IGF2BP3: variants seen among roughly 807,000 people sequenced by gnomAD.
IGF2BP3 encodes the protein insulin like growth factor 2 mRNA binding protein 3, also known as insulin-like growth factor 2 mRNA-binding protein 3.
Under a neutral mutation model 73.8 loss-of-function variants are expected in IGF2BP3, and 9 were observed. The ratio of observed to expected loss-of-function variants is 0.12; its 90% confidence interval spans 0.07 to 0.21. The LOEUF is 0.21. Ranked by LOEUF, IGF2BP3 falls within the 10% of genes least tolerant of loss-of-function variation. The pLI, the probability that IGF2BP3 is intolerant of heterozygous loss-of-function variation, is 1.00. For synonymous variants in IGF2BP3, 258 were observed against 256.7 expected, an observed-to-expected ratio of 1.01 and a Z score of -0.05; for missense variants, 542 against 714.0, an observed-to-expected ratio of 0.76 and a Z score of 2.75.
intron 3 of IGF2BP3, among the ~76,000 whole-genome samples, chr7:23,390,423 A>G (rs970554123): frequency 6.6e-6 from 1 of 152,238 alleles, no homozygotes; most frequent in Admixed American, 6.5e-5. Flanking sequence ...AAACAAGCGT[A>G]GATCTGTCCC....
intron 2 of IGF2BP3, among the ~76,000 whole-genome samples, chr7:23,464,879 AG>A (rs1260562906): frequency 6.6e-6 from 1 of 152,122 alleles, no homozygotes; most frequent in Non-Finnish European, 1.5e-5. Flanking sequence ...CTAAATCATG[AG>A]GAAGTTTAAT....
At chr7:23,347,210 C>T (rs780844141) in intron 7 of IGF2BP3, among the ~76,000 whole-genome samples, 1 of 152,084 alleles carries the variant, frequency 6.6e-6, no homozygotes, top group Non-Finnish European at 1.5e-5. Flanking sequence ...TTCCCCACCT[C>T]CACACTCCCT....
chr7:23,354,140 C>G (rs1196857450), intron 5 of IGF2BP3, among the ~76,000 whole-genome samples: 1 of 152,130 alleles, frequency 6.6e-6, no homozygotes, highest in Non-Finnish European at 1.5e-5. Context: ...ATTACAGGCG[C>G]ACGCCACCAC....
At chr7:23,437,958 T>TCC (rs1787843762) in intron 2 of IGF2BP3, among the ~76,000 whole-genome samples, 1 of 152,122 alleles carries the variant, frequency 6.6e-6, no homozygotes, top group African/African-American at 2.4e-5. Context: ...AACTCATACC[T>TCC]CCCAATGTCC....
intron 10 of IGF2BP3, among the ~76,000 whole-genome samples, chr7:23,320,644 TAAAA>T (rs35291021): frequency 6.1e-5 from 7 of 115,340 alleles, no homozygotes; most frequent in African/African-American, 1.3e-4. Context: ...TGCTTTTGTT[TAAAA>T]AAAAAAAAAA....
chr7:23,420,490 G>T (rs528952803), intron 2 of IGF2BP3, among the ~76,000 whole-genome samples: 2 of 151,402 alleles, frequency 1.3e-5, no homozygotes, highest in East Asian at 1.9e-4. Context: ...AAAGAAAAGA[G>T]AAGAAAAAAG....
intron 2 of IGF2BP3, among the ~76,000 whole-genome samples, chr7:23,466,260 C>A (rs1788564851): frequency 6.6e-6 from 1 of 152,062 alleles, no homozygotes; most frequent in Non-Finnish European, 1.5e-5. Context: ...TGACCTCAGG[C>A]GATCCACCCA....
chr7:23,347,851 T>TC lies in IGF2BP3; in HGVS notation c.684-118dup, dbSNP rs1562690480. 4 of 1,171,530 alleles carry TC rather than the reference T, an allele frequency of 3.4e-6. 1 individual carries two copies. The highest frequency in any genetic ancestry group is 4.8e-6 in the Non-Finnish European group (4 of 834,662). 72.6% of individuals were successfully genotyped at this position (1,171,530 alleles called of 1,614,324 possible). ...TTCAGGGCAAAGCAGATGACTCACTTCCCTCAAGAGCATAAACTTTCAATA... is the reference window on the plus strand; with the variant it reads ...TTCAGGGCAAAGCAGATGACTCACTTCCCCTCAAGAGCATAAACTTTCAATA... On this transcript the variant is annotated intron_variant, in intron 6 of 14. Coordinates refer to ENST00000258729, the MANE Select transcript of IGF2BP3 (RefSeq NM_006547.3).
chr7:23,404,522 C>T (rs13229367), intron 3 of IGF2BP3, among the ~76,000 whole-genome samples: 40,092 of 151,976 alleles, frequency 0.26, 5,607 homozygotes, highest in South Asian at 0.34. Flanking sequence ...ATCATACACC[C>T]TCAATTCAAC....
At chr7:23,440,269 CAA>C (rs35841355) in intron 2 of IGF2BP3, among the ~76,000 whole-genome samples, 61 of 107,528 alleles carry the variant, frequency 5.7e-4, no homozygotes, top group Non-Finnish European at 6.4e-4. Flanking sequence ...TTAGTTATTT[CAA>C]AAAAAAAAAA....
chr7:23,470,168 C>T lies in IGF2BP3; in HGVS notation c.-58G>A. ...AGAAAAAACGAAAAATTAAAACCACCCACGGTGATGGATGGATCCAGCTGG... is the reference window on the plus strand; with the variant it reads ...AGAAAAAACGAAAAATTAAAACCACTCACGGTGATGGATGGATCCAGCTGG... On this transcript the variant is annotated 5_prime_UTR_variant, in exon 1 of 15. Coordinates refer to ENST00000258729, the MANE Select transcript of IGF2BP3 (RefSeq NM_006547.3). The T allele has an allele frequency of 7.0e-7, 1 of 1,418,834 alleles. No individual in the cohort carries two copies. The highest frequency in any genetic ancestry group is 1.3e-5 in the South Asian group (1 of 77,898). 87.9% of individuals were successfully genotyped at this position (1,418,834 alleles called of 1,614,324 possible). A position where few individuals can be genotyped will look rare whatever the true frequency, so the allele number is the denominator to read the frequency against.
At chr7:23,388,204 T>A (rs1786150223) in intron 3 of IGF2BP3, among the ~76,000 whole-genome samples, 1 of 152,214 alleles carries the variant, frequency 6.6e-6, no homozygotes, top group Admixed American at 6.5e-5. Context: ...CCCAACGTGC[T>A]GGGATTACAG....
At chr7:23,395,629 A>C (rs1786428900) in intron 3 of IGF2BP3, among the ~76,000 whole-genome samples, 1 of 151,620 alleles carries the variant, frequency 6.6e-6, no homozygotes, top group African/African-American at 2.4e-5. Context: ...AAAAAAATTA[A>C]CTGAAAAACC....
At position 23,351,203 on chromosome 7, in the gene IGF2BP3, A is replaced by G. The variant is rs565477405; in HGVS notation, c.683+102T>C. 71 of 1,292,918 alleles carry G rather than the reference A, an allele frequency of 5.5e-5. No individual in the cohort carries two copies. The African/African-American group carries it at 9.3e-4, about 17-fold the overall frequency. The allele number at this position is 1,292,918 out of a possible 1,614,324, so 80.1% of individuals were successfully genotyped here. A position where few individuals can be genotyped will look rare whatever the true frequency, so the allele number is the denominator to read the frequency against. Reference sequence around the variant, plus strand: ...CCCAAGTACTGTACAAGGAGTCCTCATGGCTGTGTTCAGAAGGGCACCAAG... The same window carrying G: ...CCCAAGTACTGTACAAGGAGTCCTCGTGGCTGTGTTCAGAAGGGCACCAAG... On this transcript the variant is annotated intron_variant, in intron 6 of 14. Transcript: ENST00000258729.
At chr7:23,400,473 T>G (rs1025402496) in intron 3 of IGF2BP3, among the ~76,000 whole-genome samples, 16 of 152,030 alleles carry the variant, frequency 1.1e-4, no homozygotes, top group Non-Finnish European at 2.2e-4. Flanking sequence ...TGTGGCAGCC[T>G]AAGTACTGTC....
chr7:23,411,230 T>C (rs1471148508), intron 3 of IGF2BP3, among the ~76,000 whole-genome samples: 1 of 152,226 alleles, frequency 6.6e-6, no homozygotes, highest in Non-Finnish European at 1.5e-5. Flanking sequence ...CTACAGATGT[T>C]TTCTTCTGTT....
In IGF2BP3 at chr7:23,455,400, G is replaced by A. The variant is rs192215671; in HGVS notation, c.236+13082C>T. On this transcript the variant is annotated intron_variant, in intron 2 of 14. Coordinates refer to ENST00000258729, the MANE Select transcript of IGF2BP3 (RefSeq NM_006547.3). ...GCCTCTTCCCTCCTGGGTGCACACG[G>A]TTATTAGCCTCTGCCTATTTTCACA... Among the ~76,000 whole-genome samples the A allele has an allele frequency of 1.2e-4, 19 of 152,250 alleles. No homozygotes were observed. In the East Asian group the frequency reaches 3.3e-3, roughly 26 times the overall value.
At chr7:23,463,572 G>A (rs1788498383) in intron 2 of IGF2BP3, among the ~76,000 whole-genome samples, 1 of 152,180 alleles carries the variant, frequency 6.6e-6, no homozygotes, top group Non-Finnish European at 1.5e-5. Flanking sequence ...TATACCCCTT[G>A]TAGTTTATCA....
Position 23,446,256 on chromosome 7 carries a change from T to C in IGF2BP3, c.236+22226A>G, listed in dbSNP as rs1445167822. On this transcript the variant is annotated intron_variant, in intron 2 of 14. Transcript: ENST00000258729. The stretch of plus-strand genomic sequence containing the variant: ...AGTAAATTGGGGAAAGTAAAGTTTA[T>C]TCCAAATAATAAATGTAGATGCCCA... 3.3e-5 allele frequency among the ~76,000 whole-genome samples: 5 copies of C among 152,316 alleles called. No homozygotes were observed. The East Asian group carries it at 9.6e-4, about 29-fold the overall frequency.
Sources: allele counts gnomAD v4.1 joint callset (sites outside exome capture counted in the v4.1 genomes callset), GRCh38; gene constraint gnomAD v4.1.1; transcripts MANE v1.5; gene names NCBI Gene and HGNC (gene_info 2026-07-23, HGNC 2026-07-21).